LTBP3: variants seen among roughly 807,000 people sequenced by gnomAD.
LTBP3 encodes latent transforming growth factor beta binding protein 3, also known as latent-transforming growth factor beta-binding protein 3.
Under a neutral mutation model 159.7 loss-of-function variants are expected in LTBP3, and 97 were observed. The observed-to-expected ratio is 0.61, with a 90% CI of 0.52 to 0.72. LTBP3 has a LOEUF of 0.72. Ranked by LOEUF, LTBP3 falls within the 30% of genes least tolerant of loss-of-function variation. The pLI is 0.00. For missense variants in LTBP3, 1,584 were observed against 1,864.3 expected, an observed-to-expected ratio of 0.85 and a Z score of 2.77; for synonymous variants, 824 against 777.1, an observed-to-expected ratio of 1.06 and a Z score of -1.00.
At chr11:65,542,633 G>A (rs895560640) in intron 18 of LTBP3, 16 of 254,540 alleles carry the variant, frequency 6.3e-5, no homozygotes, top group Non-Finnish European at 1.0e-4. Flanking sequence ...TGATCCGCCC[G>A]CCTCAGCCTC....
Position 65,539,374 on chromosome 11 carries a change from C to T in LTBP3, c.3714G>A (p.Glu1238=). The change falls in exon 27 of 28, where the codon GAG becomes GAA. Residue 1238 remains glutamate, a synonymous_variant. Transcript: ENST00000301873. The part of the protein sequence containing the change: ...CVPRPGGAVC[E]CPGGFQLDAS... Reference sequence around the variant, plus strand: ...CGTCGAGCTGGAAGCCGCCGGGACACTCGCACACGGCGCCGCCCGGCCGCG... The same window carrying T: ...CGTCGAGCTGGAAGCCGCCGGGACATTCGCACACGGCGCCGCCCGGCCGCG... 6.5e-7 allele frequency: 1 copy of T among 1,542,786 alleles called. No individual in the cohort carries two copies. The highest frequency in any genetic ancestry group is 8.7e-7 in the Non-Finnish European group (1 of 1,142,870).
At position 65,538,817 on chromosome 11, in the gene LTBP3, G is replaced by A. The variant is rs1213276911; in HGVS notation, c.*263C>T. 8.5e-6 allele frequency: 7 copies of A among 826,472 alleles called. No individual in the cohort carries two copies. Among genetic ancestry groups the A allele is most frequent in the Non-Finnish European group, 1.2e-5 (7 of 566,492 alleles). The allele number at this position is 826,472 out of a possible 1,614,324, so 51.2% of individuals were successfully genotyped here. On this transcript the variant is annotated 3_prime_UTR_variant, in exon 28 of 28. Transcript: ENST00000301873. Reference sequence around the variant, plus strand: ...CATCAATTTGCTTCGAAAGCCAAGGGTAAAGAGGCACGATCTGATTTATCA... The same window carrying A: ...CATCAATTTGCTTCGAAAGCCAAGGATAAAGAGGCACGATCTGATTTATCA...
chr11:65,540,846 G>A (rs760068342), intron 21 of LTBP3, 25 bp downstream of exon 21: 21 of 1,597,784 alleles, frequency 1.3e-5, no homozygotes, highest in Non-Finnish European at 1.7e-5. Context: ...AGGGCGCGGG[G>A]CGGGCGGAGC....
Position 65,541,285 on chromosome 11 carries a change from G to C in LTBP3, c.2734C>G (p.Gln912Glu), listed in dbSNP as rs1856125127. 1 of 1,611,342 alleles carries C rather than the reference G, an allele frequency of 6.2e-7. No homozygotes were observed. Among genetic ancestry groups the C allele is most frequent in the Non-Finnish European group, 8.5e-7 (1 of 1,179,978 alleles). Reference sequence around the variant, plus strand: ...TAGCACTCCTTCTTGTGGTGGGGCTGCTCCACCTCTGAGGGGCAGACGGCA... The same window carrying C: ...TAGCACTCCTTCTTGTGGTGGGGCTCCTCCACCTCTGAGGGGCAGACGGCA... ...QDQHGCEEVE[Q>E]PHHKKECYLN... The change falls in exon 20 of 28, where the codon CAG becomes GAG. Residue 912 changes from glutamine (Q) to glutamate (E), a missense_variant. By Grantham distance (29) the Gln-to-Glu change is conservative (BLOSUM62 2). Transcript: ENST00000301873.
Position 65,543,675 on chromosome 11 carries a change from C to G in LTBP3, c.2354-126G>C, listed in dbSNP as rs1856251319. 8 of 1,256,120 alleles carry G rather than the reference C, an allele frequency of 6.4e-6. No homozygotes were observed. In the South Asian group the frequency reaches 7.3e-5, roughly 12 times the overall value. 77.8% of individuals were successfully genotyped at this position (1,256,120 alleles called of 1,614,324 possible). A position where few individuals can be genotyped will look rare whatever the true frequency, so the allele number is the denominator to read the frequency against. ...GCCAGCAGCACTCAGAAGCACAGGC[C>G]TCACCCTGCTTCTGGGTGGCACACA... On this transcript the variant is annotated intron_variant, in intron 16 of 27. Transcript: ENST00000301873.
At position 65,557,827 on chromosome 11, in the gene LTBP3, G is replaced by A; in HGVS notation, c.133C>T (p.Pro45Ser). The A allele has an allele frequency of 6.8e-7, 1 of 1,462,218 alleles. No homozygotes were observed. Among genetic ancestry groups the A allele is most frequent in the Non-Finnish European group, 9.0e-7 (1 of 1,108,156 alleles). 90.6% of individuals were successfully genotyped at this position (1,462,218 alleles called of 1,614,324 possible). The change falls in exon 1 of 28, where the codon CCG (proline) becomes TCG (serine). Residue 45 changes from proline (P) to serine (S), a missense_variant. By Grantham distance (74) the Pro-to-Ser change is moderately conservative (BLOSUM62 -1). Around this residue, in one of 6 missense-constraint regions of LTBP3, gnomAD observed 79 missense variants for 64.7 expected, o/e 1.22. Coordinates refer to ENST00000301873, the MANE Select transcript of LTBP3 (RefSeq NM_001130144.3). ...LGLGGRVEGG[P>S]AGERGAGGGG... is the part of the protein sequence containing the mutation. ...CCGCCTGCGCCCCGCTCGCCGGCCG[G>A]CCCCCCCTCGACCCTGCCGCCCAGG...
intron 11 of LTBP3, among the ~76,000 whole-genome samples, chr11:65,550,830 AC>A: frequency 6.6e-6 from 1 of 152,188 alleles, no homozygotes; most frequent in Non-Finnish European, 1.5e-5. Flanking sequence ...CTCAAAAAAA[AC>A]AAAAAACAAA....
At chr11:65,548,289 A>G in intron 11 of LTBP3, 1 of 631,982 alleles carries the variant, frequency 1.6e-6, no homozygotes, top group Non-Finnish European at 2.8e-6. Context: ...GGATACTTCC[A>G]TTCCCGGTTC....
In LTBP3 at chr11:65,552,332, T is replaced by A; in HGVS notation, c.1261A>T (p.Thr421Ser). The change falls in exon 7 of 28, where the codon ACC (threonine) becomes TCC (serine). Residue 421 changes from threonine to serine, a missense_variant. Coordinates refer to ENST00000301873, the MANE Select transcript of LTBP3 (RefSeq NM_001130144.3). This position sits in a 1 kb window ranked among gnomAD's most constrained non-coding sequence, Gnocchi z 6.0. ...PEHQCQHPLT[T>S]RLTRQLCCCS... is the part of the protein sequence containing the mutation. Reference sequence around the variant, plus strand: ...CAGCAGAGCTGGCGGGTCAGGCGGGTGGTCAGTGGGTGCTGGCACTGGTGC... The same window carrying A: ...CAGCAGAGCTGGCGGGTCAGGCGGGAGGTCAGTGGGTGCTGGCACTGGTGC... 1 of 1,613,608 alleles carries A rather than the reference T, an allele frequency of 6.2e-7. No individual in the cohort carries two copies. The highest frequency in any genetic ancestry group is 1.3e-5 in the African/African-American group (1 of 75,002).
chr11:65,547,473 G>A lies in LTBP3; in HGVS notation c.2073C>T (p.Tyr691=), dbSNP rs1856423572. 2 of 1,614,012 alleles carry A rather than the reference G, an allele frequency of 1.2e-6. No homozygotes were observed. The highest frequency in any genetic ancestry group is 1.1e-5 in the South Asian group (1 of 91,092). ...GHYKCNCYPG[Y]RLKASRPPVC... ...CAGGAGGCCGGGAGGCTTTGAGCCG[G>A]TAGCCGGGGTAGCAGTTGCACTTGT... Residue 691 remains tyrosine (Y), a synonymous_variant, in exon 14 of 28, where the codon TAC becomes TAT. Coordinates refer to ENST00000301873, the MANE Select transcript of LTBP3 (RefSeq NM_001130144.3). The surrounding 1 kb of genome is among the most constrained non-coding windows in gnomAD (Gnocchi z 4.6).
Position 65,554,141 on chromosome 11 carries a change from T to C in LTBP3, c.571A>G (p.Ile191Val). The C allele has an allele frequency of 1.2e-6, 2 of 1,611,828 alleles. No individual in the cohort carries two copies. The highest frequency in any genetic ancestry group is 2.7e-5 in the African/African-American group (2 of 74,894). ...SKHAIYAVQVIADPPGPGEGP... is the reference protein window; with the variant it reads ...SKHAIYAVQVVADPPGPGEGP... ...TCCCCGGGCCCAGGAGGGTCAGCGA[T>C]CACCTGGACGGCGTAGATGGCGTGC... Residue 191 changes from isoleucine to valine, a missense_variant, in exon 2 of 28, where the codon ATC becomes GTC. This residue lies in a region of LTBP3 where 194 missense variants were observed against 198.7 expected (regional missense o/e 0.98). Transcript: ENST00000301873. The surrounding 1 kb of genome is among the most constrained non-coding windows in gnomAD (Gnocchi z 5.3).
rs757364422 is a variant in LTBP3 at position 65,552,429 on chromosome 11, T to C, written c.1187-23A>G. The C allele has an allele frequency of 9.9e-6, 16 of 1,610,530 alleles. No homozygotes were observed. The South Asian group carries it at 1.1e-4, about 11-fold the overall frequency. On this transcript the variant is annotated intron_variant, in intron 6 of 27. Transcript: ENST00000301873. This position sits in a 1 kb window ranked among gnomAD's most constrained non-coding sequence, Gnocchi z 6.0. ...CTGCTGCAGGGGCCAGTGGGGGGCA[T>C]GGGCATCTGAGCCTGCACATTGCCC...
At chr11:65,551,104 G>T (rs965158573) in intron 11 of LTBP3, 22 bp downstream of exon 11, 10 of 1,545,866 alleles carry the variant, frequency 6.5e-6, no homozygotes, top group Non-Finnish European at 7.9e-6. Flanking sequence ...AGGCAGGGGT[G>T]GCTTTGCTGG....
At chr11:65,549,495 T>A (rs1856511068) in intron 11 of LTBP3, among the ~76,000 whole-genome samples, 2 of 150,720 alleles carry the variant, frequency 1.3e-5, no homozygotes, top group Non-Finnish European at 3.0e-5. Context: ...CACTGCAACC[T>A]CTATCTCCCA....
Position 65,552,532 on chromosome 11 carries a change from C to A in LTBP3, c.1187-126G>T. 1 of 1,187,682 alleles carries A rather than the reference C, an allele frequency of 8.4e-7. No homozygotes were observed. The allele number at this position is 1,187,682 out of a possible 1,614,324, so 73.6% of individuals were successfully genotyped here. On this transcript the variant is annotated intron_variant, in intron 6 of 27. Coordinates refer to ENST00000301873, the MANE Select transcript of LTBP3 (RefSeq NM_001130144.3). The surrounding 1 kb of genome is among the most constrained non-coding windows in gnomAD (Gnocchi z 6.0). Reference sequence around the variant, plus strand: ...TTGATCCCCCATGTGGTCTCTGACCCCATATGACCCTGAACTCATGTGACC... The same window carrying A: ...TTGATCCCCCATGTGGTCTCTGACCACATATGACCCTGAACTCATGTGACC...
Position 65,540,632 on chromosome 11 carries a change from C to A in LTBP3, c.2978-18G>T, listed in dbSNP as rs773382024. On this transcript the variant is annotated intron_variant, in intron 21 of 27. Transcript: ENST00000301873. ...GTCGATGTCTGCGGGGTGACAAACA[C>A]TGGCCGCTCCGGTCCCGCAGCTGCA... The A allele has an allele frequency of 1.4e-5, 22 of 1,590,768 alleles. No individual in the cohort carries two copies. Among genetic ancestry groups the A allele is most frequent in the Non-Finnish European group, 1.6e-5 (19 of 1,167,032 alleles).
Position 65,552,846 on chromosome 11 carries a change from G to A in LTBP3, c.1186+14C>T. The A allele has an allele frequency of 6.2e-7, 1 of 1,614,116 alleles. No homozygotes were observed. The highest frequency in any genetic ancestry group is 1.6e-4 in the Middle Eastern group (1 of 6,062). On this transcript the variant is annotated intron_variant, in intron 6 of 27. Coordinates refer to ENST00000301873, the MANE Select transcript of LTBP3 (RefSeq NM_001130144.3). The surrounding 1 kb of genome is among the most constrained non-coding windows in gnomAD (Gnocchi z 6.0). ...GCCTTGTGACCTCCCAGGAACCTGAGCCCCAGGTCTCACCAATGCACTGTG... is the reference window on the plus strand; with the variant it reads ...GCCTTGTGACCTCCCAGGAACCTGAACCCCAGGTCTCACCAATGCACTGTG...
chr11:65,546,669 G>C lies in LTBP3; in HGVS notation c.2231-105C>G, dbSNP rs1463966839. The C allele has an allele frequency of 9.0e-6, 14 of 1,555,942 alleles. No individual in the cohort carries two copies. The highest frequency in any genetic ancestry group is 1.2e-5 in the Non-Finnish European group (14 of 1,155,426). On this transcript the variant is annotated intron_variant, in intron 15 of 27. Coordinates refer to ENST00000301873, the MANE Select transcript of LTBP3 (RefSeq NM_001130144.3). The surrounding 1 kb of genome is among the most constrained non-coding windows in gnomAD (Gnocchi z 4.0). ...CCTGGAACGCGGGGTTGAGAGGGCA[G>C]CCTCTACTCCCGGAAGGCCCCGCCC...
chr11:65,546,598 C>A lies in LTBP3; in HGVS notation c.2231-34G>T. ...GAAAGACCTAGCCTCGGACTCTGCC[C>A]CACCGGAAGGCGGACCGCGCACCTC... is the stretch of plus-strand genomic sequence containing the variant. On this transcript the variant is annotated intron_variant, in intron 15 of 27. Coordinates refer to ENST00000301873, the MANE Select transcript of LTBP3 (RefSeq NM_001130144.3). The surrounding 1 kb of genome is among the most constrained non-coding windows in gnomAD (Gnocchi z 4.0). 6.3e-7 allele frequency: 1 copy of A among 1,599,148 alleles called. No homozygotes were observed. Among genetic ancestry groups the A allele is most frequent in the Non-Finnish European group, 8.5e-7 (1 of 1,179,210 alleles).
Sources: gnomAD v4.1 joint callset for allele counts (sites outside exome capture counted in the v4.1 genomes callset) on GRCh38, gnomAD v4.1.1 for gene constraint, gnomAD v4.1.1 regional missense constraint, Gnocchi (gnomAD v3.1) non-coding constraint, MANE v1.5 for transcripts, NCBI Gene and HGNC (gene_info 2026-07-23, HGNC 2026-07-21) for gene names.